The following KYAT3 variants were observed in gnomAD, a reference collection of about 807,000 sequenced individuals.
KYAT3 encodes kynurenine aminotransferase 3, also known as kynurenine--oxoglutarate transaminase 3.
A neutral mutation model predicts 59.0 loss-of-function variants in KYAT3; 50 were observed. The ratio of observed to expected loss-of-function variants is 0.85; its 90% CI spans 0.68 to 1.07. The LOEUF (loss-of-function observed/expected upper bound fraction) is 1.07. KYAT3 is among the 50% of genes least tolerant of loss of function. KYAT3 has a pLI of 0.00. For synonymous variants in KYAT3, 148 were observed against 177.0 expected (o/e 0.84, Z 1.30); for missense variants, 497 against 533.3 (o/e 0.93, Z 0.67).
chr1:88,976,059 G>A (rs2101067232), intron 2 of KYAT3, among the ~76,000 whole-genome samples: 2 of 148,310 alleles, frequency 1.3e-5, no homozygotes, highest in African/African-American at 4.9e-5. Context: ...GTATATGGAG[G>A]TAAAAATTTC....
chr1:88,992,769 G>A (rs1284030975), upstream of KYAT3: 2 of 152,200 alleles, frequency 1.3e-5, no homozygotes, highest in Non-Finnish European at 2.9e-5. Context: ...CTGGATGAGG[G>A]GTGTTTTTTT....
intron 2 of KYAT3, among the ~76,000 whole-genome samples, chr1:88,973,949 T>C (rs556803456): frequency 6.6e-6 from 1 of 152,238 alleles, no homozygotes; most frequent in African/African-American, 2.4e-5. Flanking sequence ...GCTGGGAGAA[T>C]TGAGGCTGTG....
chr1:88,949,320 T>TAAATAAC, intron 10 of KYAT3, 43 bp from the exon 11 acceptor site: 1 of 1,346,078 alleles, frequency 7.4e-7, no homozygotes, highest in Non-Finnish European at 1.0e-6. Context: ...CATATGGCAA[T>TAAATAAC]GTTATTTATT....
At chr1:88,978,168 AT>A (rs779745526) in intron 2 of KYAT3, among the ~76,000 whole-genome samples, 17 of 152,206 alleles carry the variant, frequency 1.1e-4, no homozygotes, top group Admixed American at 2.6e-4. Flanking sequence ...GACATTTAGT[AT>A]TAATTCATTC....
chr1:88,979,734 T>C (rs1355021844), intron 2 of KYAT3: 2 of 152,216 alleles, frequency 1.3e-5, no homozygotes, highest in Non-Finnish European at 1.5e-5. Flanking sequence ...TAAAAGGGTA[T>C]AGCCCCTTTG....
At chr1:88,981,670 G>C in intron 2 of KYAT3, 1 of 177,550 alleles carries the variant, frequency 5.6e-6, no homozygotes. Context: ...ACAACTCTTA[G>C]CATTTGATTT....
At chr1:88,935,125 C>G (rs1674986738), downstream of KYAT3, among the ~76,000 whole-genome samples, 1 of 150,426 alleles carries the variant, frequency 6.6e-6, no homozygotes, top group African/African-American at 2.4e-5. Flanking sequence ...TCCCAAGTAG[C>G]TGGGATTACA....
intron 2 of KYAT3, 23 bp downstream of exon 2, chr1:88,988,229 A>G: frequency 6.7e-7 from 1 of 1,486,010 alleles, no homozygotes. Context: ...ACAATAATTT[A>G]TCTGTAAGTA....
At chr1:88,961,112 C>G in intron 8 of KYAT3, 55 bp downstream of exon 8, 1 of 1,596,476 alleles carries the variant, frequency 6.3e-7, no homozygotes. Context: ...CCAATCAGTT[C>G]TTCCATATGT....
chr1:88,969,242 C>T (rs1158655807), intron 3 of KYAT3, among the ~76,000 whole-genome samples, 167 bp downstream of exon 3: 4 of 152,130 alleles, frequency 2.6e-5, no homozygotes, highest in African/African-American at 9.7e-5. Context: ...GCCAAATGAA[C>T]AATTCAGTAT....
intron 13 of KYAT3, among the ~76,000 whole-genome samples, chr1:88,942,804 A>G (rs1235053619): frequency 6.6e-6 from 1 of 151,968 alleles, no homozygotes; most frequent in South Asian, 2.1e-4. Context: ...CCTCGTGATC[A>G]GCCCGCCTCG....
At chr1:88,982,816 A>G (rs1477795074) in intron 2 of KYAT3, 6 of 1,613,814 alleles carry the variant, frequency 3.7e-6, no homozygotes, top group Non-Finnish European at 5.1e-6. Context: ...CCCTGTCACA[A>G]CTTGAGTAGA....
chr1:88,969,555 A>T, intron 2 of KYAT3, 88 bp from the exon 3 acceptor site: 1 of 722,818 alleles, frequency 1.4e-6, no homozygotes, highest in Admixed American at 2.4e-5. Context: ...CCTTTTCCCT[A>T]CTGTTACCAT....
chr1:88,936,108 T>G lies in KYAT3; in HGVS notation c.*75A>C. On this transcript the variant is annotated 3_prime_UTR_variant, in exon 14 of 14. Coordinates refer to ENST00000260508, the MANE Select transcript of KYAT3 (RefSeq NM_001008661.3). ...AGTTGTACTGAAATACCTTTTAACA[T>G]CCAGCAGGTGGCAGCACTAAGTAAC... is the stretch of plus-strand genomic sequence containing the variant. The G allele has an allele frequency of 2.1e-6, 2 of 944,904 alleles. No individual in the cohort carries two copies. The allele number at this position is 944,904 out of a possible 1,614,324, so 58.5% of individuals were successfully genotyped here.
At position 88,964,899 on chromosome 1, in the gene KYAT3, A is replaced by G; in HGVS notation, c.383T>C (p.Ile128Thr). 6.2e-7 allele frequency: 1 copy of G among 1,609,820 alleles called. No homozygotes were observed. Among genetic ancestry groups the G allele is most frequent in the Non-Finnish European group, 8.5e-7 (1 of 1,178,684 alleles). The stretch of plus-strand genomic sequence containing the variant: ...TCCATATGCTCCTACTGTCACAAGG[A>G]TTTCTTTATTTGAATCAATTTGCTT... ...YQKQIDSNKEILVTVGAYGSL... is the reference protein window; with the variant it reads ...YQKQIDSNKETLVTVGAYGSL... The change falls in exon 5 of 14, where the codon ATC (isoleucine) becomes ACC (threonine). Residue 128 changes from isoleucine (I) to threonine (T), a missense_variant. This residue lies in a region of KYAT3 where 469 missense variants were observed against 479.1 expected (regional missense o/e 0.98). Transcript: ENST00000260508.
chr1:88,962,545 C>T (rs192486350), intron 5 of KYAT3, among the ~76,000 whole-genome samples: 38 of 152,310 alleles, frequency 2.5e-4, no homozygotes, highest in Middle Eastern at 6.8e-3. Flanking sequence ...GATGTATAAG[C>T]AGTGACAGAC....
intron 2 of KYAT3, among the ~76,000 whole-genome samples, chr1:88,973,657 C>A (rs994730138): frequency 4.6e-5 from 7 of 152,178 alleles, no homozygotes; most frequent in Non-Finnish European, 7.3e-5. Flanking sequence ...AAGGTAGCAT[C>A]TTTTAACCTT....
intron 2 of KYAT3, among the ~76,000 whole-genome samples, chr1:88,973,057 G>A (rs995951058): frequency 6.6e-6 from 1 of 152,118 alleles, no homozygotes; most frequent in African/African-American, 2.4e-5. Context: ...TATGACTGGT[G>A]GTCTTATAAA....
intron 13 of KYAT3, 43 bp downstream of exon 13, chr1:88,942,962 T>C (rs1397549435): frequency 7.9e-7 from 1 of 1,271,672 alleles, no homozygotes; most frequent in Admixed American, 1.9e-5. Context: ...AAAATTGAAA[T>C]GAAGATACTA....
Sources: allele counts gnomAD v4.1 joint callset (sites outside exome capture counted in the v4.1 genomes callset), GRCh38; gene constraint gnomAD v4.1.1; regional missense constraint gnomAD v4.1.1; transcripts MANE v1.5; gene names NCBI Gene and HGNC (gene_info 2026-07-23, HGNC 2026-07-21).